Variants in RHBDF2 observed in about 807,000 individuals in gnomAD.
RHBDF2 encodes rhomboid 5 homolog 2, also known as inactive rhomboid protein 2.
In RHBDF2, 38 loss-of-function variants were observed where a neutral mutation model predicts 95.2. The ratio of observed to expected loss-of-function variants is 0.40; its 90% confidence interval spans 0.31 to 0.52. RHBDF2 has a LOEUF of 0.52. RHBDF2 is among the 20% of genes least tolerant of loss of function. The pLI is 0.56. For missense variants in RHBDF2, 863 were observed against 1,137.7 expected (o/e 0.76, Z 3.47); for synonymous variants, 442 against 462.0 (o/e 0.96, Z 0.55).
At chr17:76,492,556 C>T (rs759471872) in intron 1 of RHBDF2, among the ~76,000 whole-genome samples, 2 of 152,186 alleles carry the variant, frequency 1.3e-5, no homozygotes, top group Non-Finnish European at 2.9e-5. Context: ...CCCCGCCATG[C>T]GGACTGTACA....
chr17:76,481,318 C>T (rs2073956167), intron 3 of RHBDF2, 57 bp downstream of exon 3: 7 of 1,550,844 alleles, frequency 4.5e-6, no homozygotes, highest in Middle Eastern at 1.9e-4. Context: ...GAAAGTGTCA[C>T]GTGGGTACAT....
intron 1 of RHBDF2, among the ~76,000 whole-genome samples, chr17:76,491,197 C>G (rs560930557): frequency 6.7e-6 from 1 of 148,900 alleles, no homozygotes; most frequent in South Asian, 2.1e-4. Context: ...TGGACCTCCC[C>G]ACTAGACTCC....
At chr17:76,480,325 G>A (rs2073927383) in intron 3 of RHBDF2, among the ~76,000 whole-genome samples, 1 of 151,502 alleles carries the variant, frequency 6.6e-6, no homozygotes, top group South Asian at 2.1e-4. Context: ...GACCTCAAGT[G>A]ATCTGGCCGC....
intron 1 of RHBDF2, among the ~76,000 whole-genome samples, chr17:76,491,762 C>T (rs2074308236): frequency 1.3e-5 from 2 of 152,196 alleles, no homozygotes; most frequent in Non-Finnish European, 2.9e-5. Context: ...TGCAAAGGCC[C>T]AGCCCCTTCC....
At chr17:76,479,706 G>A (rs2073889941) in intron 4 of RHBDF2, 27 bp downstream of exon 4, 2 of 1,564,910 alleles carry the variant, frequency 1.3e-6, no homozygotes, top group African/African-American at 1.3e-5. Context: ...GGTGGGGGGT[G>A]CTGGGCTTGG....
At chr17:76,484,483 T>C (rs201364167) in intron 2 of RHBDF2, among the ~76,000 whole-genome samples, 1 of 151,732 alleles carries the variant, frequency 6.6e-6, no homozygotes, top group East Asian at 1.9e-4. Context: ...TCCTCCTCCA[T>C]CTCTACCTCA....
At chr17:76,490,554 T>C (rs1363361349) in intron 1 of RHBDF2, among the ~76,000 whole-genome samples, 1 of 152,044 alleles carries the variant, frequency 6.6e-6, no homozygotes, top group Non-Finnish European at 1.5e-5. Context: ...CCTGGGGAAC[T>C]GGCACTGGGG....
At chr17:76,490,990 A>G (rs932041636) in intron 1 of RHBDF2, among the ~76,000 whole-genome samples, 2 of 152,062 alleles carry the variant, frequency 1.3e-5, no homozygotes, top group African/African-American at 2.4e-5. Context: ...ACTGAATGGG[A>G]AGCTAGTGAG....
At chr17:76,486,077 T>TACACACACACACAC (rs57942849) in intron 2 of RHBDF2, among the ~76,000 whole-genome samples, 30 of 144,886 alleles carry the variant, frequency 2.1e-4, no homozygotes, top group African/African-American at 7.5e-4. Context: ...TATATATATG[T>TACACACACACACAC]ACACACACAC....
intron 2 of RHBDF2, among the ~76,000 whole-genome samples, chr17:76,485,379 C>T (rs1281763221): frequency 6.7e-6 from 1 of 148,620 alleles, no homozygotes; most frequent in Non-Finnish European, 1.5e-5. Flanking sequence ...CCATTGCACT[C>T]CAGCCTGGGC....
At chr17:76,477,836 G>A (rs749189896) in intron 6 of RHBDF2, 51 bp from the exon 7 acceptor site, 2 of 1,590,426 alleles carry the variant, frequency 1.3e-6, no homozygotes, top group Non-Finnish European at 1.7e-6. Flanking sequence ...GGCCACCTAG[G>A]CCCCCAGCCC....
intron 7 of RHBDF2, 70 bp from the exon 8 acceptor site, chr17:76,477,368 C>A (rs1375482257): frequency 9.1e-6 from 14 of 1,537,426 alleles, no homozygotes; most frequent in Admixed American, 6.1e-5. Flanking sequence ...AACCTCAATT[C>A]AAGGGCAGGA....
Position 76,475,099 on chromosome 17 carries a change from G to A in RHBDF2, c.1158C>T (p.Ile386=), listed in dbSNP as rs761572130. The change falls in exon 10 of 19, where the codon ATC becomes ATT. Residue 386 remains isoleucine (I), a synonymous_variant. Coordinates refer to ENST00000675367, the MANE Select transcript of RHBDF2 (RefSeq NM_001005498.4). ...TYWLTFVHVI[I]TLLVICTYGI... ...CATACGTGCAAATCACCAGCAGCGT[G>A]ATGATGACATGGACGAAGGTCAGCC... 1 of 1,601,220 alleles carries A rather than the reference G, an allele frequency of 6.2e-7. No individual in the cohort carries two copies. Among genetic ancestry groups the A allele is most frequent in the Non-Finnish European group, 8.5e-7 (1 of 1,174,792 alleles).
chr17:76,491,746 TG>T (rs1448594045), intron 1 of RHBDF2, among the ~76,000 whole-genome samples: 1 of 151,906 alleles, frequency 6.6e-6, no homozygotes, highest in African/African-American at 2.4e-5. Flanking sequence ...GAAGTTGGGG[TG>T]GGGGTGCAAA....
intron 2 of RHBDF2, among the ~76,000 whole-genome samples, chr17:76,482,849 A>C (rs2074011714): frequency 6.6e-6 from 1 of 151,912 alleles, no homozygotes; most frequent in Admixed American, 6.6e-5. Flanking sequence ...TTAACAATAA[A>C]AGTGGCATAT....
At chr17:76,475,717 G>A (rs1028732395) in intron 9 of RHBDF2, among the ~76,000 whole-genome samples, 1 of 151,832 alleles carries the variant, frequency 6.6e-6, no homozygotes, top group African/African-American at 2.4e-5. Context: ...TCGTAGCTGG[G>A]ATTACAAGCA....
At chr17:76,495,471 G>C (rs1171580098) in intron 1 of RHBDF2, among the ~76,000 whole-genome samples, 1 of 152,208 alleles carries the variant, frequency 6.6e-6, no homozygotes, top group African/African-American at 2.4e-5. Context: ...TAACATCTCT[G>C]AGCCTCAGTT....
Position 76,477,166 on chromosome 17 carries a change from G to A in RHBDF2, c.920+14C>T. On this transcript the variant is annotated intron_variant, in intron 8 of 18. Coordinates refer to ENST00000675367, the MANE Select transcript of RHBDF2 (RefSeq NM_001005498.4). ...GTGGCTGGCCTGGAGGAGGGACTCT[G>A]CCCCAGCACTCACAGAGGGATTTGC... The A allele has an allele frequency of 6.2e-7, 1 of 1,611,546 alleles. No homozygotes were observed. The highest frequency in any genetic ancestry group is 8.5e-7 in the Non-Finnish European group (1 of 1,179,168).
At chr17:76,486,477 C>T (rs12940443) in intron 2 of RHBDF2, among the ~76,000 whole-genome samples, 90,701 of 151,850 alleles carry the variant, frequency 0.6, 27,551 homozygotes, top group Middle Eastern at 0.75. Flanking sequence ...ATTTGAGAGA[C>T]TGAGGCAGGA....
Sources: allele counts gnomAD v4.1 joint callset (sites outside exome capture counted in the v4.1 genomes callset), GRCh38; gene constraint gnomAD v4.1.1; transcripts MANE v1.5; gene names NCBI Gene and HGNC (gene_info 2026-07-23, HGNC 2026-07-21).